Variants in COL13A1 observed in about 807,000 individuals in gnomAD.
COL13A1 encodes the protein collagen alpha-1(XIII) chain.
Under a neutral mutation model 130.9 loss-of-function variants are expected in COL13A1, and 89 were observed. That is an observed-to-expected ratio of 0.68 (90% CI 0.57 to 0.81). The LOEUF (loss-of-function observed/expected upper bound fraction) is 0.81. COL13A1 is among the 30% of genes least tolerant of loss of function. COL13A1 has a pLI of 0.00. For missense variants in COL13A1, 879 were observed against 934.6 expected, an observed-to-expected ratio of 0.94 and a Z score of 0.78; for synonymous variants, 402 against 341.6, an observed-to-expected ratio of 1.18 and a Z score of -1.95.
intron 1 of COL13A1, among the ~76,000 whole-genome samples, chr10:69,817,563 G>A (rs10998983): frequency 0.23 from 35,108 of 151,762 alleles, 5,044 homozygotes; most frequent in South Asian, 0.37. Flanking sequence ...AAGATCAGTC[G>A]GCGAGGTTGT....
At chr10:69,923,922 G>A (rs560612639) in intron 24 of COL13A1, 67 bp downstream of exon 24, 57 of 1,564,112 alleles carry the variant, frequency 3.6e-5, no homozygotes, top group African/African-American at 6.8e-5. Flanking sequence ...GAATCATCCC[G>A]GCCGACCCTA....
At chr10:69,808,434 CA>C (rs1842136076) in intron 1 of COL13A1, among the ~76,000 whole-genome samples, 1 of 152,210 alleles carries the variant, frequency 6.6e-6, no homozygotes, top group Admixed American at 6.5e-5. Flanking sequence ...ATAGACATAG[CA>C]TGTGTTGTTG....
chr10:69,946,833 G>T (rs1275913586), intron 37 of COL13A1, among the ~76,000 whole-genome samples: 2 of 152,122 alleles, frequency 1.3e-5, no homozygotes, highest in African/African-American at 2.4e-5. Flanking sequence ...CTGTCGCCAG[G>T]CTGGAGTGCA....
At chr10:69,865,956 T>G (rs951807383) in intron 2 of COL13A1, among the ~76,000 whole-genome samples, 1 of 152,206 alleles carries the variant, frequency 6.6e-6, no homozygotes, top group Non-Finnish European at 1.5e-5. Context: ...AGTTTCTTCA[T>G]CCGCAAGGCG....
rs569775604 is a variant in COL13A1 at position 69,870,167 on chromosome 10, T to A, written c.373-2017T>A. ...GTTGTAAGGTATATGTGTGTATGTG[T>A]GTGTACTGTATATATATATTTTTTT... is the stretch of plus-strand genomic sequence containing the variant. On this transcript the variant is annotated intron_variant, in intron 3 of 40. Transcript: ENST00000645393. Among the ~76,000 whole-genome samples, 11 of 150,816 alleles carry A rather than the reference T, an allele frequency of 7.3e-5. No homozygotes were observed. In the South Asian group the frequency reaches 2.3e-3, roughly 32 times the overall value.
At chr10:69,899,475 A>C (rs1178989809) in intron 14 of COL13A1, among the ~76,000 whole-genome samples, 1 of 152,208 alleles carries the variant, frequency 6.6e-6, no homozygotes, top group Non-Finnish European at 1.5e-5. Flanking sequence ...ATTGAAATTG[A>C]AGTCAGGTCT....
rs761204195 is a variant in COL13A1, at chr10:69,952,955, C to G, written c.2132C>G (p.Ala711Gly). The change falls in exon 39 of 41, where the codon GCC (alanine) becomes GGC (glycine). Residue 711 changes from alanine (A) to glycine (G), a missense_variant. This residue lies in a region of COL13A1 where 68 missense variants were observed against 65.8 expected (regional missense o/e 1.03). Coordinates refer to ENST00000645393, the MANE Select transcript of COL13A1 (RefSeq NM_001368882.1). ...KGDQGAPGLD[A>G]PCPLGEDGLP... ...GACCAAGGAGCGCCTGGATTAGATG[C>G]CCCCTGCCCATTGGTATGTTTTTGT... 6.5e-7 allele frequency: 1 copy of G among 1,542,520 alleles called. No homozygotes were observed. The highest frequency in any genetic ancestry group is 1.4e-5 in the African/African-American group (1 of 70,402).
chr10:69,917,887 C>T (rs2064122423), intron 18 of COL13A1, among the ~76,000 whole-genome samples: 1 of 152,030 alleles, frequency 6.6e-6, no homozygotes, highest in African/African-American at 2.4e-5. Context: ...CCGTGGCTTT[C>T]CATTCTCCTG....
At chr10:69,869,577 CTG>C (rs1455660406) in intron 3 of COL13A1, among the ~76,000 whole-genome samples, 1 of 152,204 alleles carries the variant, frequency 6.6e-6, no homozygotes, top group Non-Finnish European at 1.5e-5. Flanking sequence ...AAGAACATAA[CTG>C]TGCAGGATGG....
chr10:69,806,870 T>C lies in COL13A1; in HGVS notation c.294+4153T>C, dbSNP rs187446645. On this transcript the variant is annotated intron_variant, in intron 1 of 40. Transcript: ENST00000645393. ...AAAAAATACAAAAATTAGCCGGGCA[T>C]GGTGGTGGGTGCCTATAATCCCAGC... is the stretch of plus-strand genomic sequence containing the variant. Among the ~76,000 whole-genome samples the C allele has an allele frequency of 4.8e-3, 725 of 152,220 alleles. 5 individuals carry two copies. The highest frequency in any genetic ancestry group is 0.016 in the African/African-American group (671 of 41,530).
chr10:69,939,432 C>T (rs2067339273), intron 34 of COL13A1, among the ~76,000 whole-genome samples: 1 of 152,222 alleles, frequency 6.6e-6, no homozygotes, highest in Non-Finnish European at 1.5e-5. Context: ...CCACATATGG[C>T]CTGAAAGCCT....
chr10:69,917,456 T>G (rs2064066151), intron 18 of COL13A1, 123 bp downstream of exon 18: 1 of 839,724 alleles, frequency 1.2e-6, no homozygotes, highest in Non-Finnish European at 1.8e-6. Context: ...CTGCCTGCCC[T>G]GGTTCTCCCA....
chr10:69,841,555 C>T (rs1379806367), intron 2 of COL13A1, among the ~76,000 whole-genome samples: 1 of 152,224 alleles, frequency 6.6e-6, no homozygotes. Flanking sequence ...CACTCCATGC[C>T]ATGCCTTTGC....
At chr10:69,894,500 G>A in intron 10 of COL13A1, 52 bp from the exon 11 acceptor site, 3 of 1,609,308 alleles carry the variant, frequency 1.9e-6, no homozygotes. Flanking sequence ...AGGTGTCCCT[G>A]ATTGCCTGTC....
At chr10:69,949,967 T>C (rs755875207) in intron 38 of COL13A1, among the ~76,000 whole-genome samples, 17 of 122,074 alleles carry the variant, frequency 1.4e-4, no homozygotes, top group African/African-American at 2.4e-4. Context: ...TGTGTGTGCG[T>C]GTGTGTGTGT....
chr10:69,888,222 T>C, intron 8 of COL13A1, 82 bp from the exon 9 acceptor site: 1 of 1,527,456 alleles, frequency 6.5e-7, no homozygotes, highest in Admixed American at 1.9e-5. Context: ...CCAGAATCTG[T>C]GCTTTTCCCC....
chr10:69,948,822 A>AG (rs1211224296), intron 38 of COL13A1, among the ~76,000 whole-genome samples: 1 of 149,304 alleles, frequency 6.7e-6, no homozygotes, highest in African/African-American at 2.6e-5. Flanking sequence ...TGTCACAGAC[A>AG]GAGGGAGGGT....
intron 2 of COL13A1, among the ~76,000 whole-genome samples, chr10:69,843,934 A>G (rs1048025771): frequency 6.6e-6 from 1 of 152,238 alleles, no homozygotes; most frequent in Non-Finnish European, 1.5e-5. Context: ...CGCTGTTATC[A>G]TATGCTGTGG....
At chr10:69,957,236 A>C (rs1025750978) in intron 40 of COL13A1, among the ~76,000 whole-genome samples, 194 bp downstream of exon 40, 1 of 152,228 alleles carries the variant, frequency 6.6e-6, no homozygotes, top group African/African-American at 2.4e-5. Context: ...TGCTTCTTAG[A>C]ACATCAGTAA....
Sources: allele counts gnomAD v4.1 joint callset (sites outside exome capture counted in the v4.1 genomes callset), GRCh38; gene constraint gnomAD v4.1.1; regional missense constraint gnomAD v4.1.1; transcripts MANE v1.5; gene names NCBI Gene and HGNC (gene_info 2026-07-23, HGNC 2026-07-21).